The following NUBPL variants were observed in gnomAD, a reference collection of about 807,000 sequenced individuals.
The protein encoded by NUBPL is NUBP iron-sulfur cluster assembly factor, mitochondrial, also known as iron-sulfur cluster transfer protein NUBPL.
A neutral mutation model predicts 45.7 loss-of-function variants in NUBPL; 31 were observed. The observed-to-expected ratio is 0.68, with a 90% CI of 0.51 to 0.92. NUBPL has a LOEUF of 0.92. Ranked by LOEUF, NUBPL falls within the 40% of genes least tolerant of loss-of-function variation. The pLI is 0.00. For missense variants in NUBPL, 401 were observed against 398.7 expected, an observed-to-expected ratio of 1.01 and a Z score of -0.05; for synonymous variants, 144 against 140.9, an observed-to-expected ratio of 1.02 and a Z score of -0.15.
chr14:31,752,870 C>T (rs2038562885), intron 6 of NUBPL, among the ~76,000 whole-genome samples: 2 of 152,130 alleles, frequency 1.3e-5, no homozygotes, highest in South Asian at 4.1e-4. Flanking sequence ...TCTCAGGAAA[C>T]TTACAATCAT....
In NUBPL at chr14:31,793,397, G is replaced by C. The variant is rs75235504; in HGVS notation, c.607+5524G>C. Among the ~76,000 whole-genome samples, 1,348 of 152,096 alleles carry C rather than the reference G, an allele frequency of 8.9e-3. 23 individuals carry two copies. Among genetic ancestry groups the C allele is most frequent in the African/African-American group, 0.031 (1,270 of 41,480 alleles). ...ACTCCCCGCCATCTTCCCCAAACCC[G>C]CATTTAGGAATCACTTCCCCCTCTT... On this transcript the variant is annotated intron_variant, in intron 7 of 10. Coordinates refer to ENST00000281081, the MANE Select transcript of NUBPL (RefSeq NM_025152.3).
chr14:31,722,569 G>A (rs1174357447), intron 6 of NUBPL, among the ~76,000 whole-genome samples: 1 of 152,210 alleles, frequency 6.6e-6, no homozygotes, highest in Non-Finnish European at 1.5e-5. Flanking sequence ...CAATGTGTAA[G>A]TGTTCCCTTT....
intron 4 of NUBPL, among the ~76,000 whole-genome samples, chr14:31,647,334 G>T (rs2035882916): frequency 6.6e-6 from 1 of 151,868 alleles, no homozygotes. Context: ...GCTTGCTTTG[G>T]TTTTTATTGG....
chr14:31,692,446 C>T (rs187735193), intron 6 of NUBPL, among the ~76,000 whole-genome samples: 3 of 152,338 alleles, frequency 2.0e-5, no homozygotes, highest in Admixed American at 2.0e-4. Context: ...ACTGTGATGT[C>T]AGCACCTGCT....
At chr14:31,746,173 A>C (rs75192577) in intron 6 of NUBPL, among the ~76,000 whole-genome samples, 7,314 of 151,940 alleles carry the variant, frequency 0.048, 270 homozygotes, top group Admixed American at 0.067. Flanking sequence ...GATTCCCTTT[A>C]TTTATTTTAT....
At chr14:31,739,254 T>TATATTCTATATATATATATA (rs1566533850) in intron 6 of NUBPL, among the ~76,000 whole-genome samples, 1 of 100,862 alleles carries the variant, frequency 9.9e-6, no homozygotes, top group Non-Finnish European at 1.8e-5. Flanking sequence ...ATATATATAT[T>TATATTCTATATATATATATA]TTTTTTTTTT....
intron 6 of NUBPL, among the ~76,000 whole-genome samples, chr14:31,776,132 C>T (rs2039094118): frequency 6.6e-6 from 1 of 152,006 alleles, no homozygotes; most frequent in Non-Finnish European, 1.5e-5. Flanking sequence ...AAGAGATGAC[C>T]ACTCAAATTG....
chr14:31,773,699 A>G (rs1023344642), intron 6 of NUBPL, among the ~76,000 whole-genome samples: 1 of 152,198 alleles, frequency 6.6e-6, no homozygotes, highest in Non-Finnish European at 1.5e-5. Flanking sequence ...GTTTGCTAGT[A>G]GGGTAGGACT....
At chr14:31,753,643 C>A (rs540011401) in intron 6 of NUBPL, among the ~76,000 whole-genome samples, 1 of 152,228 alleles carries the variant, frequency 6.6e-6, no homozygotes, top group South Asian at 2.1e-4. Context: ...TGCTAGTACA[C>A]CTTGGGTCCT....
At chr14:31,737,977 TAAG>T (rs2038199814) in intron 6 of NUBPL, among the ~76,000 whole-genome samples, 1 of 152,198 alleles carries the variant, frequency 6.6e-6, no homozygotes, top group South Asian at 2.1e-4. Flanking sequence ...ACTTTTCACT[TAAG>T]AAATAAAAGT....
At chr14:31,833,005 T>C (rs1390229933) in intron 8 of NUBPL, among the ~76,000 whole-genome samples, 3 of 152,228 alleles carry the variant, frequency 2.0e-5, no homozygotes, top group African/African-American at 7.2e-5. Context: ...TAGAATGTTA[T>C]GAAACAGATA....
At chr14:31,829,342 A>G (rs1167479780) in intron 8 of NUBPL, among the ~76,000 whole-genome samples, 2 of 152,044 alleles carry the variant, frequency 1.3e-5, no homozygotes, top group East Asian at 3.9e-4. Context: ...GAAGGTCTTA[A>G]TCATTTCTTA....
At chr14:31,585,702 T>A (rs909697720) in intron 3 of NUBPL, among the ~76,000 whole-genome samples, 4 of 152,230 alleles carry the variant, frequency 2.6e-5, no homozygotes, top group Non-Finnish European at 5.9e-5. Flanking sequence ...TCCTCACCAA[T>A]ACTTATTTTC....
At chr14:31,688,313 C>T (rs1232133944) in intron 6 of NUBPL, among the ~76,000 whole-genome samples, 2 of 151,982 alleles carry the variant, frequency 1.3e-5, no homozygotes, top group Non-Finnish European at 2.9e-5. Flanking sequence ...CGCGGTGGTT[C>T]ACGCCTGTAA....
At chr14:31,718,537 A>G (rs936066412) in intron 6 of NUBPL, among the ~76,000 whole-genome samples, 2 of 152,210 alleles carry the variant, frequency 1.3e-5, no homozygotes, top group African/African-American at 4.8e-5. Context: ...TCTTAAGACA[A>G]GTACAGCCTA....
Position 31,751,486 on chromosome 14 carries a change from T to A in NUBPL, c.514-36294T>A, listed in dbSNP as rs559922757. 2.6e-5 allele frequency among the ~76,000 whole-genome samples: 4 copies of A among 152,346 alleles called. No individual in the cohort carries two copies. The South Asian group carries it at 8.3e-4, about 32-fold the overall frequency. On this transcript the variant is annotated intron_variant, in intron 6 of 10. Transcript: ENST00000281081. ...AGTCTGAAACCTGGCAGGGCACCCA[T>A]TAAATCTTAAAGCTCCAAAATAATC...
At chr14:31,695,926 T>C (rs1001545764) in intron 6 of NUBPL, among the ~76,000 whole-genome samples, 1 of 152,226 alleles carries the variant, frequency 6.6e-6, no homozygotes, top group Non-Finnish European at 1.5e-5. Flanking sequence ...TGGTTTCTAG[T>C]AATGCAGGTA....
At chr14:31,584,172 G>T (rs1326981595) in intron 3 of NUBPL, among the ~76,000 whole-genome samples, 10 of 151,686 alleles carry the variant, frequency 6.6e-5, no homozygotes, top group African/African-American at 1.5e-4. Flanking sequence ...TCCTGACAGG[G>T]TCTTGCTTTG....
intron 6 of NUBPL, among the ~76,000 whole-genome samples, chr14:31,742,277 C>CACACACACACACACAT (rs998724714): frequency 6.7e-6 from 1 of 149,370 alleles, no homozygotes; most frequent in African/African-American, 2.5e-5. Context: ...CACACACACA[C>CACACACACACACACAT]ACATCTTCCT....
Sources: allele counts gnomAD v4.1 joint callset (sites outside exome capture counted in the v4.1 genomes callset), GRCh38; gene constraint gnomAD v4.1.1; transcripts MANE v1.5; gene names NCBI Gene and HGNC (gene_info 2026-07-23, HGNC 2026-07-21).